The following ESRRB variants were observed in gnomAD, a reference collection of about 807,000 sequenced individuals.
ESRRB encodes steroid hormone receptor ERR2.
ESRRB carries 16 observed loss-of-function variants against 46.0 expected under a neutral mutation model. The observed-to-expected ratio is 0.35, with a 90% confidence interval of 0.24 to 0.53. The LOEUF is 0.53. Among genes scored for constraint, ESRRB ranks in the 20% least tolerant of loss-of-function variants. The pLI is 0.93. For missense variants in ESRRB, 488 were observed against 607.4 expected, an observed-to-expected ratio of 0.80 and a Z score of 2.07; for synonymous variants, 246 against 259.6, an observed-to-expected ratio of 0.95 and a Z score of 0.50.
In ESRRB at chr14:76,376,978, G is replaced by C. The variant is rs1884793476; in HGVS notation, c.50+527G>C. 6.6e-6 allele frequency among the ~76,000 whole-genome samples: 1 copy of C among 152,186 alleles called. No homozygotes were observed. The highest frequency in any genetic ancestry group is 1.5e-5 in the Non-Finnish European group (1 of 68,036). Reference sequence around the variant, plus strand: ...AGGCGGCCAGTGCCGCTCTCGCCTCGCGGTCTCCGTGGGGCGCCCCGAGGG... The same window carrying C: ...AGGCGGCCAGTGCCGCTCTCGCCTCCCGGTCTCCGTGGGGCGCCCCGAGGG... On this transcript the variant is annotated intron_variant, in intron 1 of 6. Transcript: ENST00000644823. This position sits in a 1 kb window ranked among gnomAD's most constrained non-coding sequence, Gnocchi z 4.1.
intron 1 of ESRRB, among the ~76,000 whole-genome samples, chr14:76,329,266 A>G (rs941608049): frequency 2.0e-5 from 3 of 152,034 alleles, no homozygotes; most frequent in African/African-American, 7.3e-5. Flanking sequence ...TAAATAATCG[A>G]GTCAATCTCA....
chr14:76,378,381 G>T (rs2139794093), intron 1 of ESRRB, among the ~76,000 whole-genome samples: 1 of 152,320 alleles, frequency 6.6e-6, no homozygotes, highest in East Asian at 1.9e-4. Context: ...GCAATGTCAG[G>T]GAAGCAGCAG....
At chr14:76,464,772 T>A (rs1196467519) in intron 3 of ESRRB, among the ~76,000 whole-genome samples, 1 of 152,146 alleles carries the variant, frequency 6.6e-6, no homozygotes, top group Non-Finnish European at 1.5e-5. Context: ...CTGAACTGGG[T>A]CCCCTGACTC....
intron 1 of ESRRB, among the ~76,000 whole-genome samples, chr14:76,364,450 AG>A (rs1270257681): frequency 6.6e-6 from 1 of 152,122 alleles, no homozygotes; most frequent in African/African-American, 2.4e-5. Flanking sequence ...GCACTTTGGG[AG>A]GCCGAGGTGG....
At chr14:76,329,353 C>T (rs1566852332) in intron 1 of ESRRB, among the ~76,000 whole-genome samples, 1 of 152,238 alleles carries the variant, frequency 6.6e-6, no homozygotes, top group East Asian at 1.9e-4. Context: ...TCTCTGTGTG[C>T]CAGTTCCCCA....
At chr14:76,415,232 G>A (rs1302485290) in intron 1 of ESRRB, among the ~76,000 whole-genome samples, 2 of 152,210 alleles carry the variant, frequency 1.3e-5, no homozygotes, top group East Asian at 1.9e-4. Context: ...GTAGAGGGGT[G>A]ACATTTGGAT....
chr14:76,322,015 C>T (rs758948106), intron 1 of ESRRB, among the ~76,000 whole-genome samples: 25 of 152,142 alleles, frequency 1.6e-4, no homozygotes, highest in African/African-American at 5.6e-4. Context: ...CAATAGGCAA[C>T]GGGGCTGAGT....
chr14:76,435,678 A>T (rs780028106), intron 1 of ESRRB, among the ~76,000 whole-genome samples: 8 of 152,192 alleles, frequency 5.3e-5, no homozygotes, highest in Non-Finnish European at 8.8e-5. Flanking sequence ...TAAAAATACA[A>T]AAATTAGTCA....
At chr14:76,475,878 G>A (rs553824005) in intron 3 of ESRRB, among the ~76,000 whole-genome samples, 1 of 152,248 alleles carries the variant, frequency 6.6e-6, no homozygotes, top group East Asian at 1.9e-4. Flanking sequence ...TTCTTATTTT[G>A]AGATAATTGC....
chr14:76,368,660 G>A (rs1884554983), upstream of ESRRB, among the ~76,000 whole-genome samples: 1 of 152,080 alleles, frequency 6.6e-6, no homozygotes, highest in African/African-American at 2.4e-5. Context: ...TCTTGGAAAG[G>A]CAAACCCTCC....
intron 1 of ESRRB, among the ~76,000 whole-genome samples, chr14:76,422,782 G>A (rs183246869): frequency 6.2e-4 from 95 of 152,270 alleles, no homozygotes; most frequent in Non-Finnish European, 1.1e-3. Context: ...GTTGCACAGC[G>A]AGTCAGTGAC....
In ESRRB at chr14:76,482,712, C is replaced by G; in HGVS notation, c.803C>G (p.Ala268Gly). 6.2e-7 allele frequency: 1 copy of G among 1,614,170 alleles called. No individual in the cohort carries two copies. The highest frequency in any genetic ancestry group is 2.2e-5 in the East Asian group (1 of 44,880). Residue 268 changes from alanine (A) to glycine (G), a missense_variant, in exon 5 of 7, where the codon GCA becomes GGA. By Grantham distance (60) the Ala-to-Gly change is moderately conservative (BLOSUM62 0). Transcript: ENST00000644823. The surrounding 1 kb of genome is among the most constrained non-coding windows in gnomAD (Gnocchi z 4.3). ...IKALTTLCDLADRELVVIIGW... is the reference protein window; with the variant it reads ...IKALTTLCDLGDRELVVIIGW... ...GCCCTGACCACTCTCTGTGACCTGGCAGACCGAGAGCTTGTGGTCATCATT... is the reference window on the plus strand; with the variant it reads ...GCCCTGACCACTCTCTGTGACCTGGGAGACCGAGAGCTTGTGGTCATCATT...
intron 1 of ESRRB, among the ~76,000 whole-genome samples, chr14:76,361,153 G>A (rs905699996): frequency 6.6e-6 from 1 of 152,172 alleles, no homozygotes; most frequent in Non-Finnish European, 1.5e-5. Flanking sequence ...TCATTATATT[G>A]AGACCATCCT....
At chr14:76,470,248 C>A (rs1889327196) in intron 3 of ESRRB, among the ~76,000 whole-genome samples, 1 of 152,186 alleles carries the variant, frequency 6.6e-6, no homozygotes, top group African/African-American at 2.4e-5. Context: ...CTGCTCCAGG[C>A]CACGCTAGGC....
chr14:76,311,491 A>AC (rs1883732995), intron 1 of ESRRB, among the ~76,000 whole-genome samples: 2 of 152,126 alleles, frequency 1.3e-5, no homozygotes, highest in African/African-American at 4.8e-5. Flanking sequence ...AAAGTAAATG[A>AC]TTTTCCCTCT....
At chr14:76,450,004 A>G (rs1595130379) in intron 2 of ESRRB, among the ~76,000 whole-genome samples, 1 of 152,102 alleles carries the variant, frequency 6.6e-6, no homozygotes, top group African/African-American at 2.4e-5. Flanking sequence ...AAGCATTCCT[A>G]TGGCCCCCAC....
chr14:76,352,870 G>C (rs555531783), intron 1 of ESRRB, among the ~76,000 whole-genome samples: 3 of 152,224 alleles, frequency 2.0e-5, no homozygotes, highest in Non-Finnish European at 4.4e-5. Flanking sequence ...GCGCACACAG[G>C]CGAGCACCGT....
chr14:76,438,004 G>A (rs1486801919), intron 1 of ESRRB, among the ~76,000 whole-genome samples: 1 of 152,144 alleles, frequency 6.6e-6, no homozygotes, highest in Non-Finnish European at 1.5e-5. Context: ...GGTAGAAATA[G>A]CTGGGGGATG....
At chr14:76,437,890 G>T (rs560375159) in intron 1 of ESRRB, among the ~76,000 whole-genome samples, 2 of 152,326 alleles carry the variant, frequency 1.3e-5, no homozygotes, top group African/African-American at 4.8e-5. Context: ...GCATGGCCGG[G>T]GTGGAGGGGC....
Sources: allele counts gnomAD v4.1 joint callset (sites outside exome capture counted in the v4.1 genomes callset), GRCh38; gene constraint gnomAD v4.1.1; non-coding constraint Gnocchi (gnomAD v3.1); transcripts MANE v1.5; gene names NCBI Gene and HGNC (gene_info 2026-07-23, HGNC 2026-07-21).